The following CNTNAP2 variants were observed in gnomAD, a reference collection of about 807,000 sequenced individuals.
CNTNAP2 encodes contactin associated protein 2.
CNTNAP2 carries 98 observed loss-of-function variants against 155.2 expected under a neutral mutation model. The observed-to-expected ratio is 0.63, with a 90% CI of 0.54 to 0.75. The LOEUF is 0.75. Ranked by LOEUF, CNTNAP2 falls within the 30% of genes least tolerant of loss-of-function variation. The probability of loss-of-function intolerance (pLI) is 0.00; values close to 1 mark genes in which losing one functional copy is unlikely to be tolerated. For missense variants in CNTNAP2, 1,727 were observed against 1,688.1 expected, an observed-to-expected ratio of 1.02 and a Z score of -0.40; for synonymous variants, 651 against 631.2, an observed-to-expected ratio of 1.03 and a Z score of -0.47.
At chr7:148,091,662 C>T (rs907387961) in intron 15 of CNTNAP2, among the ~76,000 whole-genome samples, 2 of 152,150 alleles carry the variant, frequency 1.3e-5, no homozygotes, top group African/African-American at 4.8e-5. Flanking sequence ...ATTCTTTCTT[C>T]ATTCTTTTTA....
At chr7:148,334,939 CTT>C (rs1798092645) in intron 21 of CNTNAP2, among the ~76,000 whole-genome samples, 1 of 152,222 alleles carries the variant, frequency 6.6e-6, no homozygotes, top group Non-Finnish European at 1.5e-5. Context: ...ACCAATGACT[CTT>C]TGTCCTTGAG....
At chr7:147,070,462 T>C (rs2129265261) in intron 4 of CNTNAP2, among the ~76,000 whole-genome samples, 1 of 152,186 alleles carries the variant, frequency 6.6e-6, no homozygotes, top group African/African-American at 2.4e-5. Flanking sequence ...TAAGAACGGA[T>C]ATTCGGGGAA....
intron 2 of CNTNAP2, among the ~76,000 whole-genome samples, chr7:146,796,933 G>C (rs977413675): frequency 3.9e-5 from 6 of 152,026 alleles, no homozygotes; most frequent in African/African-American, 1.2e-4. Flanking sequence ...TCAGGAGATC[G>C]AGACCATTCT....
chr7:148,086,760 C>G (rs536208845), intron 15 of CNTNAP2, among the ~76,000 whole-genome samples: 1 of 152,304 alleles, frequency 6.6e-6, no homozygotes, highest in African/African-American at 2.4e-5. Context: ...GGATCTGTGT[C>G]AGGATCCAGC....
intron 1 of CNTNAP2, among the ~76,000 whole-genome samples, chr7:146,371,699 C>T (rs917847235): frequency 2.0e-5 from 3 of 151,578 alleles, no homozygotes; most frequent in Admixed American, 1.3e-4. Context: ...TGGCTGTAAT[C>T]GCAGCACTGT....
Position 146,533,920 on chromosome 7 carries a change from A to G in CNTNAP2, c.98-240351A>G, listed in dbSNP as rs555367427. Among the ~76,000 whole-genome samples, 69 of 152,306 alleles carry G rather than the reference A, an allele frequency of 4.5e-4. 1 individual carries two copies. The South Asian group carries it at 0.013, about 30-fold the overall frequency. The stretch of plus-strand genomic sequence containing the variant: ...AATACTAGATGTTATTGGCAATAAC[A>G]TAAGAGTAACATAAATATTAAAGTT... On this transcript the variant is annotated intron_variant, in intron 1 of 23. Coordinates refer to ENST00000361727, the MANE Select transcript of CNTNAP2 (RefSeq NM_014141.6).
chr7:148,330,457 G>C (rs1797970391), intron 21 of CNTNAP2, among the ~76,000 whole-genome samples: 2 of 151,460 alleles, frequency 1.3e-5, no homozygotes, highest in Admixed American at 1.3e-4. Flanking sequence ...GGAGCAGAGG[G>C]ATGGAGTGGA....
intron 1 of CNTNAP2, among the ~76,000 whole-genome samples, chr7:146,492,720 T>C (rs1275641066): frequency 6.6e-6 from 1 of 152,204 alleles, no homozygotes; most frequent in Non-Finnish European, 1.5e-5. Flanking sequence ...GTTGTGTATA[T>C]TGAAGCTATA....
chr7:148,056,311 C>T (rs1803007655), intron 15 of CNTNAP2, among the ~76,000 whole-genome samples: 1 of 152,120 alleles, frequency 6.6e-6, no homozygotes, highest in Non-Finnish European at 1.5e-5. Flanking sequence ...TCAACATTGA[C>T]CCAAAAACCA....
At chr7:147,301,590 CTCTGTGTGTGTGTGTGTGTGTGTGTG>C (rs1462564353) in intron 9 of CNTNAP2, among the ~76,000 whole-genome samples, 9 of 111,586 alleles carry the variant, frequency 8.1e-5, no homozygotes, top group Admixed American at 1.8e-4. Context: ...CTCTCTCTCT[CTCTGTGTGTGTGTGTGTGTGTGTGTG>C]TGTGTGTGTG....
intron 9 of CNTNAP2, among the ~76,000 whole-genome samples, chr7:147,335,766 A>G (rs1795653999): frequency 6.6e-6 from 1 of 152,226 alleles, no homozygotes; most frequent in African/African-American, 2.4e-5. Flanking sequence ...TTTAGATTTC[A>G]CAGCATGGAT....
intron 3 of CNTNAP2, among the ~76,000 whole-genome samples, chr7:147,002,877 G>A (rs1798450398): frequency 6.7e-6 from 1 of 148,644 alleles, no homozygotes; most frequent in Non-Finnish European, 1.5e-5. Flanking sequence ...TTATCTTGCA[G>A]GTTAGGGTTT....
At position 146,159,072 on chromosome 7, in the gene CNTNAP2, G is replaced by GT. The variant is rs1244793799; in HGVS notation, c.97+42100dup. On this transcript the variant is annotated intron_variant, in intron 1 of 23. Coordinates refer to ENST00000361727, the MANE Select transcript of CNTNAP2 (RefSeq NM_014141.6). ...CAGAAACTCTACAAGCCAGAAGGGA[G>GT]TGGGGGCCAGTATTCAACATTCTAA... 2.0e-5 allele frequency among the ~76,000 whole-genome samples: 3 copies of GT among 152,138 alleles called. No homozygotes were observed. In the East Asian group the frequency reaches 5.8e-4, roughly 29 times the overall value.
At chr7:148,286,876 A>T (rs1208283317) in intron 21 of CNTNAP2, among the ~76,000 whole-genome samples, 1 of 152,196 alleles carries the variant, frequency 6.6e-6, no homozygotes, top group Non-Finnish European at 1.5e-5. Flanking sequence ...CACGTTATAC[A>T]TAGTTTCTCT....
intron 14 of CNTNAP2, among the ~76,000 whole-genome samples, chr7:147,931,898 T>C (rs1800511504): frequency 6.6e-6 from 1 of 152,140 alleles, no homozygotes; most frequent in Non-Finnish European, 1.5e-5. Context: ...TTTATTTATT[T>C]ATTTTGAGAC....
intron 18 of CNTNAP2, among the ~76,000 whole-genome samples, chr7:148,209,253 A>T (rs1795502997): frequency 6.6e-6 from 1 of 150,642 alleles, no homozygotes; most frequent in African/African-American, 2.4e-5. Context: ...AGTAGCTGGG[A>T]CTACAGGCTT....
intron 12 of CNTNAP2, among the ~76,000 whole-genome samples, chr7:147,564,833 C>A (rs901873460): frequency 1.1e-4 from 13 of 122,866 alleles, no homozygotes; most frequent in African/African-American, 3.8e-4. Flanking sequence ...CAACTTTTTG[C>A]AAGTAGAATT....
intron 13 of CNTNAP2, among the ~76,000 whole-genome samples, chr7:147,732,405 A>G (rs1423658078): frequency 1.3e-5 from 2 of 152,092 alleles, no homozygotes; most frequent in Non-Finnish European, 2.9e-5. Flanking sequence ...CATGGTGTAT[A>G]TGTGCCACAT....
At chr7:148,212,201 C>A (rs1795563999) in intron 18 of CNTNAP2, among the ~76,000 whole-genome samples, 1 of 150,936 alleles carries the variant, frequency 6.6e-6, no homozygotes, top group Admixed American at 6.6e-5. Context: ...AGATAAATAT[C>A]TTTATGTTAT....
Sources: allele counts gnomAD v4.1 joint callset (sites outside exome capture counted in the v4.1 genomes callset), GRCh38; gene constraint gnomAD v4.1.1; transcripts MANE v1.5; gene names NCBI Gene and HGNC (gene_info 2026-07-23, HGNC 2026-07-21).